ST6GALNAC3: variants seen among roughly 807,000 people sequenced by gnomAD.
ST6GALNAC3 encodes the protein ST6 N-acetylgalactosaminide alpha-2,6-sialyltransferase 3.
A neutral mutation model predicts 32.7 loss-of-function variants in ST6GALNAC3; 25 were observed. The observed-to-expected ratio is 0.76, with a 90% confidence interval of 0.56 to 1.07. The LOEUF is 1.07. ST6GALNAC3 is among the 50% of genes least tolerant of loss of function. The probability of loss-of-function intolerance (pLI) is 0.00; values close to 1 mark genes in which losing one functional copy is unlikely to be tolerated. For missense variants in ST6GALNAC3, 355 were observed against 382.4 expected (o/e 0.93, Z 0.60); for synonymous variants, 129 against 133.1 (o/e 0.97, Z 0.21).
chr1:76,381,749 A>G lies in ST6GALNAC3; in HGVS notation c.214-30259A>G, dbSNP rs1651729659. Among the ~76,000 whole-genome samples, 3 of 152,202 alleles carry G rather than the reference A, an allele frequency of 2.0e-5. No homozygotes were observed. In the South Asian group the frequency reaches 6.2e-4, roughly 32 times the overall value. Reference sequence around the variant, plus strand: ...TAGATCTTACAGGAATTGCAGTGGGACTGGTAGATGAAAATTCATGTTCAG... The same window carrying G: ...TAGATCTTACAGGAATTGCAGTGGGGCTGGTAGATGAAAATTCATGTTCAG... On this transcript the variant is annotated intron_variant, in intron 2 of 4. Coordinates refer to ENST00000328299, the MANE Select transcript of ST6GALNAC3 (RefSeq NM_152996.4).
In ST6GALNAC3 at chr1:76,478,894, C is replaced by CT. The variant is rs575528308; in HGVS notation, c.623+66478dup. ...TCTCCTGCCTCAGCCTCCTGAGTAG[C>CT]TGGGACCACAGGTGCCCGCCACCAC... On this transcript the variant is annotated intron_variant, in intron 3 of 4. Transcript: ENST00000328299. Among the ~76,000 whole-genome samples the CT allele has an allele frequency of 1.1e-4, 16 of 151,046 alleles. No homozygotes were observed. In the East Asian group the frequency reaches 2.8e-3, roughly 26 times the overall value.
chr1:76,305,361 T>TA (rs952189745), intron 1 of ST6GALNAC3, among the ~76,000 whole-genome samples: 3 of 152,042 alleles, frequency 2.0e-5, no homozygotes, highest in Admixed American at 2.0e-4. Flanking sequence ...GTAAAAGAAA[T>TA]ATATTGAGTG....
intron 3 of ST6GALNAC3, among the ~76,000 whole-genome samples, chr1:76,532,246 G>C (rs753832397): frequency 1.3e-5 from 2 of 152,162 alleles, no homozygotes; most frequent in Admixed American, 1.3e-4. Context: ...TTTGCCTCCC[G>C]AAACCGTAGG....
intron 1 of ST6GALNAC3, among the ~76,000 whole-genome samples, chr1:76,270,150 T>C (rs943426910): frequency 7.2e-5 from 11 of 152,312 alleles, no homozygotes; most frequent in Non-Finnish European, 1.5e-4. Flanking sequence ...TTGATATTAA[T>C]GTACTTTTTT....
intron 1 of ST6GALNAC3, among the ~76,000 whole-genome samples, chr1:76,286,082 T>C (rs1350347597): frequency 2.0e-5 from 3 of 152,210 alleles, no homozygotes; most frequent in Non-Finnish European, 4.4e-5. Flanking sequence ...CAGCTTGGTC[T>C]TACTTGTTTC....
At chr1:76,098,050 A>C (rs1647164773) in intron 1 of ST6GALNAC3, among the ~76,000 whole-genome samples, 3 of 152,202 alleles carry the variant, frequency 2.0e-5, no homozygotes, top group African/African-American at 7.2e-5. Flanking sequence ...AGCTGGTTCA[A>C]AGGAGAATGG....
intron 3 of ST6GALNAC3, among the ~76,000 whole-genome samples, chr1:76,478,315 T>C (rs1300305779): frequency 6.6e-6 from 1 of 152,234 alleles, no homozygotes; most frequent in African/African-American, 2.4e-5. Flanking sequence ...TCAAAGGTTA[T>C]TTTGTTTGGA....
chr1:76,485,580 A>AT (rs1335217203), intron 3 of ST6GALNAC3, among the ~76,000 whole-genome samples: 1 of 152,062 alleles, frequency 6.6e-6, no homozygotes, highest in East Asian at 1.9e-4. Context: ...CCCCTTTATG[A>AT]TTTTTTATTG....
At chr1:76,292,397 C>T (rs1050376683) in intron 1 of ST6GALNAC3, among the ~76,000 whole-genome samples, 3 of 152,284 alleles carry the variant, frequency 2.0e-5, no homozygotes, top group East Asian at 3.9e-4. Context: ...GGCAGTCCTT[C>T]GCAGAGCAGT....
At chr1:76,434,925 G>A (rs1250466110) in intron 3 of ST6GALNAC3, among the ~76,000 whole-genome samples, 4 of 151,488 alleles carry the variant, frequency 2.6e-5, no homozygotes, top group East Asian at 3.9e-4. Flanking sequence ...TGAGTAGCTG[G>A]GACTACAGGC....
At position 76,147,940 on chromosome 1, in the gene ST6GALNAC3, G is replaced by A. The variant is rs186301816; in HGVS notation, c.18+73056G>A. Among the ~76,000 whole-genome samples, 154 of 152,192 alleles carry A rather than the reference G, an allele frequency of 1.0e-3. 1 individual carries two copies. Among genetic ancestry groups the A allele is most frequent in the African/African-American group, 3.4e-3 (141 of 41,526 alleles). On this transcript the variant is annotated intron_variant, in intron 1 of 4. Coordinates refer to ENST00000328299, the MANE Select transcript of ST6GALNAC3 (RefSeq NM_152996.4). ...ATTCGTGACCCTTCTCTCTTTGTAT[G>A]GGTCCCTGTCTTTGGAATGTTGTTG...
chr1:76,527,591 G>A (rs1023886579), intron 3 of ST6GALNAC3, among the ~76,000 whole-genome samples: 6 of 152,012 alleles, frequency 3.9e-5, no homozygotes, highest in African/African-American at 1.4e-4. Context: ...TCCTTGCTGT[G>A]TCCCATGCTA....
At chr1:76,511,517 G>A (rs315090) in intron 3 of ST6GALNAC3, among the ~76,000 whole-genome samples, 78,028 of 151,924 alleles carry the variant, frequency 0.51, 20,206 homozygotes, top group East Asian at 0.58. Context: ...AGCACAGCTC[G>A]GGTATTTATG....
intron 2 of ST6GALNAC3, among the ~76,000 whole-genome samples, chr1:76,355,428 T>C (rs1491000321): frequency 6.6e-6 from 1 of 152,170 alleles, no homozygotes; most frequent in Non-Finnish European, 1.5e-5. Flanking sequence ...TGACTTCCCT[T>C]TGTGATAAAG....
At chr1:76,489,209 T>C (rs1571394603) in intron 3 of ST6GALNAC3, among the ~76,000 whole-genome samples, 2 of 152,348 alleles carry the variant, frequency 1.3e-5, no homozygotes, top group South Asian at 4.1e-4. Flanking sequence ...ATTTGAGTAC[T>C]ATTACTATTA....
chr1:76,549,535 G>A (rs138200202), intron 3 of ST6GALNAC3, among the ~76,000 whole-genome samples: 51 of 152,032 alleles, frequency 3.4e-4, no homozygotes, highest in Non-Finnish European at 5.3e-4. Context: ...ATATAGCTAT[G>A]TAGTGTTTTG....
chr1:76,148,176 G>A (rs889767020), intron 1 of ST6GALNAC3, among the ~76,000 whole-genome samples: 17 of 152,132 alleles, frequency 1.1e-4, no homozygotes, highest in African/African-American at 2.9e-4. Context: ...ACTGCTTGAC[G>A]CATCTGTTTC....
At chr1:76,464,318 T>C (rs1454868087) in intron 3 of ST6GALNAC3, among the ~76,000 whole-genome samples, 1 of 152,214 alleles carries the variant, frequency 6.6e-6, no homozygotes, top group Non-Finnish European at 1.5e-5. Flanking sequence ...AACCTCTGGT[T>C]CTTACAAATA....
chr1:76,124,470 G>T (rs1570077658), intron 1 of ST6GALNAC3, among the ~76,000 whole-genome samples: 1 of 152,292 alleles, frequency 6.6e-6, no homozygotes, highest in East Asian at 1.9e-4. Flanking sequence ...GCGCAATGTA[G>T]TCTGTCCCTG....
Sources: gnomAD v4.1 joint callset for allele counts (sites outside exome capture counted in the v4.1 genomes callset) on GRCh38, gnomAD v4.1.1 for gene constraint, MANE v1.5 for transcripts, NCBI Gene and HGNC (gene_info 2026-07-23, HGNC 2026-07-21) for gene names.